PCSK2: variants seen among roughly 807,000 people sequenced by gnomAD.
PCSK2 encodes neuroendocrine convertase 2.
Under a neutral mutation model 69.7 loss-of-function variants are expected in PCSK2, and 14 were observed. The observed-to-expected ratio is 0.20, with a 90% confidence interval of 0.13 to 0.31. The LOEUF (loss-of-function observed/expected upper bound fraction) is 0.31. Ranked by LOEUF, PCSK2 falls within the 10% of genes least tolerant of loss-of-function variation. The pLI, the probability that PCSK2 is intolerant of heterozygous loss-of-function variation, is 1.00. For missense variants in PCSK2, 544 were observed against 842.5 expected (o/e 0.65, Z 4.39); for synonymous variants, 307 against 320.7 (o/e 0.96, Z 0.46).
At chr20:17,228,559 C>A (rs1389804720) in intron 1 of PCSK2, among the ~76,000 whole-genome samples, 1 of 151,982 alleles carries the variant, frequency 6.6e-6, no homozygotes, top group African/African-American at 2.4e-5. Context: ...GGTGGAGGTC[C>A]CTGAGATTTT....
At chr20:17,469,084 A>G (rs938758194) in intron 11 of PCSK2, among the ~76,000 whole-genome samples, 4 of 152,236 alleles carry the variant, frequency 2.6e-5, no homozygotes, top group African/African-American at 9.6e-5. Context: ...GTCCTATAAT[A>G]AAAATAGCTA....
At chr20:17,422,177 TGAG>T (rs1414818518) in intron 6 of PCSK2, among the ~76,000 whole-genome samples, 1 of 152,154 alleles carries the variant, frequency 6.6e-6, no homozygotes, top group African/African-American at 2.4e-5. Flanking sequence ...TGGATGCACT[TGAG>T]GAGTTAATTA....
rs1026175677 is a variant in PCSK2 at position 17,453,141 on chromosome 20, G to A, written c.886-601G>A. On this transcript the variant is annotated intron_variant, in intron 8 of 11. Coordinates refer to ENST00000262545, the MANE Select transcript of PCSK2 (RefSeq NM_002594.5). The surrounding 1 kb of genome is among the most constrained non-coding windows in gnomAD (Gnocchi z 4.0). ...AGAATATATACATATGCACACACAC[G>A]TAAGATTTTTATATATCATGGAGTA... is the stretch of plus-strand genomic sequence containing the variant. 1.3e-4 allele frequency among the ~76,000 whole-genome samples: 20 copies of A among 152,050 alleles called. No individual in the cohort carries two copies. The highest frequency in any genetic ancestry group is 2.6e-4 in the Non-Finnish European group (18 of 68,004).
intron 2 of PCSK2, among the ~76,000 whole-genome samples, chr20:17,352,419 G>A (rs1009071158): frequency 3.3e-5 from 5 of 152,156 alleles, no homozygotes; most frequent in African/African-American, 1.2e-4. Flanking sequence ...GAACAAAGCT[G>A]GAGGCATTGC....
chr20:17,336,323 G>T (rs565802430), intron 2 of PCSK2, among the ~76,000 whole-genome samples: 4 of 152,040 alleles, frequency 2.6e-5, no homozygotes, highest in African/African-American at 9.7e-5. Flanking sequence ...TAAAAACCTA[G>T]TCACTCAAAC....
In PCSK2 at chr20:17,437,888, G is replaced by C. The variant is rs529768425; in HGVS notation, c.885+1005G>C. On this transcript the variant is annotated intron_variant, in intron 8 of 11. Coordinates refer to ENST00000262545, the MANE Select transcript of PCSK2 (RefSeq NM_002594.5). The stretch of plus-strand genomic sequence containing the variant: ...CCAAACTGTTGCGTCTTCATGAGCT[G>C]TTCTGATGCATCCATCTACTTGCCA... 9.4e-4 allele frequency among the ~76,000 whole-genome samples: 143 copies of C among 152,342 alleles called. 1 individual carries two copies. The highest frequency in any genetic ancestry group is 2.0e-3 in the Admixed American group (30 of 15,304).
chr20:17,315,673 G>T (rs957033629), intron 2 of PCSK2, among the ~76,000 whole-genome samples: 2 of 152,236 alleles, frequency 1.3e-5, no homozygotes, highest in African/African-American at 4.8e-5. Context: ...CCATCCTTTC[G>T]CACACAACAG....
At chr20:17,382,349 A>G (rs2031110682) in intron 5 of PCSK2, among the ~76,000 whole-genome samples, 1 of 152,198 alleles carries the variant, frequency 6.6e-6, no homozygotes, top group Admixed American at 6.5e-5. Flanking sequence ...CCCACCTGTC[A>G]TAGACGGGAA....
intron 1 of PCSK2, among the ~76,000 whole-genome samples, chr20:17,255,255 C>A (rs139308446): frequency 6.6e-6 from 1 of 152,140 alleles, no homozygotes; most frequent in Non-Finnish European, 1.5e-5. Context: ...TTAAGAAAAT[C>A]ATTCAGCCTT....
chr20:17,240,606 G>C (rs1986531088), intron 1 of PCSK2, among the ~76,000 whole-genome samples: 1 of 152,164 alleles, frequency 6.6e-6, no homozygotes, highest in Non-Finnish European at 1.5e-5. Context: ...CTACACAGAG[G>C]ACCTAAAGTT....
intron 1 of PCSK2, among the ~76,000 whole-genome samples, chr20:17,259,202 T>G (rs1987285953): frequency 6.6e-6 from 1 of 152,186 alleles, no homozygotes; most frequent in African/African-American, 2.4e-5. Context: ...CTTTGAGTAG[T>G]GGAATGCTTT....
chr20:17,361,829 A>C (rs991534457), intron 4 of PCSK2, among the ~76,000 whole-genome samples: 1 of 152,256 alleles, frequency 6.6e-6, no homozygotes, highest in Non-Finnish European at 1.5e-5. Context: ...GGAGCCCTGC[A>C]TGAGAGTGTG....
At chr20:17,447,219 C>T (rs2032716087) in intron 8 of PCSK2, among the ~76,000 whole-genome samples, 1 of 147,674 alleles carries the variant, frequency 6.8e-6, no homozygotes, top group African/African-American at 2.5e-5. Context: ...TGCAATAAGT[C>T]GAGATCACAC....
intron 1 of PCSK2, among the ~76,000 whole-genome samples, chr20:17,248,089 C>T (rs563724422): frequency 2.6e-5 from 4 of 151,832 alleles, no homozygotes; most frequent in Admixed American, 6.6e-5. Context: ...CAATTTGCTG[C>T]GAGTTCTTCA....
intron 7 of PCSK2, among the ~76,000 whole-genome samples, chr20:17,429,773 A>G (rs1271113034): frequency 6.6e-6 from 1 of 152,222 alleles, no homozygotes; most frequent in Non-Finnish European, 1.5e-5. Flanking sequence ...CAAACTGGCC[A>G]TACCCATACA....
At chr20:17,268,872 G>A (rs1987745192) in intron 2 of PCSK2, among the ~76,000 whole-genome samples, 1 of 152,172 alleles carries the variant, frequency 6.6e-6, no homozygotes, top group Admixed American at 6.5e-5. Context: ...GAGGCAGTGA[G>A]AAACAAATCA....
intron 2 of PCSK2, among the ~76,000 whole-genome samples, chr20:17,300,368 C>T (rs1038002640): frequency 1.3e-5 from 2 of 152,250 alleles, no homozygotes; most frequent in Admixed American, 6.5e-5. Context: ...AAGGCCTGGC[C>T]GGCTGAGTGA....
At chr20:17,255,471 A>G (rs535173786) in intron 1 of PCSK2, among the ~76,000 whole-genome samples, 1 of 151,990 alleles carries the variant, frequency 6.6e-6, no homozygotes, top group South Asian at 2.1e-4. Context: ...CCTCCTGAGT[A>G]GCTGGGACTA....
intron 10 of PCSK2, 103 bp from the exon 11 acceptor site, chr20:17,465,223 A>G (rs1287526191): frequency 1.2e-6 from 1 of 820,974 alleles, no homozygotes; most frequent in Non-Finnish European, 2.1e-6. Flanking sequence ...ATCTTACAAG[A>G]GGTCTGTGTC....
Sources: gnomAD v4.1 joint callset for allele counts (sites outside exome capture counted in the v4.1 genomes callset) on GRCh38, gnomAD v4.1.1 for gene constraint, Gnocchi (gnomAD v3.1) non-coding constraint, MANE v1.5 for transcripts, NCBI Gene and HGNC (gene_info 2026-07-23, HGNC 2026-07-21) for gene names.